The following ZNF469 variants were observed in gnomAD, a reference collection of about 807,000 sequenced individuals.
ZNF469 encodes the protein zinc finger protein 469.
ZNF469 carries 1 observed loss-of-function variant against 1.0 expected under a neutral mutation model. The ratio of observed to expected loss-of-function variants is 1.00; its 90% CI spans 0.35 to 4.73. ZNF469 has a LOEUF of 4.73. Ranked by LOEUF, ZNF469 falls within the 30% of genes most tolerant of loss-of-function variation. The pLI, the probability that ZNF469 is intolerant of heterozygous loss-of-function variation, is 0.16. For synonymous variants in ZNF469, 2,703 were observed against 2,363.4 expected (o/e 1.14, Z -4.17); for missense variants, 6,100 against 5,356.3 (o/e 1.14, Z -4.33).
At chr16:88,277,141 G>A in the ZNF469 span, among the ~76,000 whole-genome samples, 9 of 151,712 alleles carry the variant, frequency 5.9e-5, no homozygotes, top group African/African-American at 1.9e-4. Flanking sequence ...TCAGTACCGT[G>A]TAGATATCAG....
the ZNF469 span, among the ~76,000 whole-genome samples, chr16:88,234,001 T>A: frequency 6.6e-6 from 1 of 152,264 alleles, no homozygotes; most frequent in Non-Finnish European, 1.5e-5. Flanking sequence ...GTTTAAGTGC[T>A]TTTTTAAACG....
At chr16:88,353,136 G>C in the ZNF469 span, among the ~76,000 whole-genome samples, 2 of 152,272 alleles carry the variant, frequency 1.3e-5, no homozygotes, top group South Asian at 4.2e-4. Context: ...ATGGTCCAGA[G>C]AATGCTGGTC....
chr16:88,199,145 C>T, the ZNF469 span, among the ~76,000 whole-genome samples: 1 of 152,272 alleles, frequency 6.6e-6, no homozygotes, highest in East Asian at 1.9e-4. Flanking sequence ...TGCTGGTTTC[C>T]TACGAGGAGG....
At chr16:88,100,945 C>G in the ZNF469 span, 1 of 284,838 alleles carries the variant, frequency 3.5e-6, no homozygotes, top group Non-Finnish European at 6.8e-6. Flanking sequence ...CGCAGAGACG[C>G]AGCCCCAACG....
At chr16:88,274,513 C>T in the ZNF469 span, among the ~76,000 whole-genome samples, 1 of 152,230 alleles carries the variant, frequency 6.6e-6, no homozygotes, top group African/African-American at 2.4e-5. Context: ...AGAAGTTTCA[C>T]AACAGATCAG....
At chr16:88,128,450 A>G in the ZNF469 span, among the ~76,000 whole-genome samples, 4 of 152,228 alleles carry the variant, frequency 2.6e-5, no homozygotes, top group East Asian at 5.8e-4. Flanking sequence ...TCACCCTCCA[A>G]CCCTCAAATA....
At chr16:88,382,201 A>T (rs1157401398), upstream of ZNF469, among the ~76,000 whole-genome samples, 1 of 152,248 alleles carries the variant, frequency 6.6e-6, no homozygotes, top group Non-Finnish European at 1.5e-5. Context: ...TGTCTGGGAC[A>T]GCCGGGGACG....
At chr16:88,267,975 T>C in the ZNF469 span, among the ~76,000 whole-genome samples, 12,097 of 151,282 alleles carry the variant, frequency 0.08, 1,357 homozygotes, top group African/African-American at 0.28. Context: ...AACCGATTTC[T>C]CCACATTCTT....
chr16:88,217,302 A>T, the ZNF469 span, among the ~76,000 whole-genome samples: 1 of 152,170 alleles, frequency 6.6e-6, no homozygotes, highest in Non-Finnish European at 1.5e-5. Context: ...GTGGGGCTGC[A>T]GCCTGGCAAA....
the ZNF469 span, among the ~76,000 whole-genome samples, chr16:88,112,021 C>T: frequency 1.4e-4 from 21 of 152,090 alleles, no homozygotes; most frequent in East Asian, 1.9e-4. Context: ...GACAGGATCT[C>T]GTTCTTTTTT....
chr16:88,336,645 T>C, the ZNF469 span, among the ~76,000 whole-genome samples: 28 of 127,538 alleles, frequency 2.2e-4, no homozygotes, highest in East Asian at 7.4e-4. Context: ...CAACAGCACA[T>C]ATGTCCATCC....
the ZNF469 span, among the ~76,000 whole-genome samples, chr16:88,315,419 G>A: frequency 2.0e-5 from 3 of 152,232 alleles, no homozygotes; most frequent in East Asian, 1.9e-4. Flanking sequence ...GGCCACGCAC[G>A]CACACAACGC....
the ZNF469 span, among the ~76,000 whole-genome samples, chr16:88,267,622 CAGG>C: frequency 1.2e-4 from 18 of 152,168 alleles, no homozygotes; most frequent in South Asian, 2.9e-3. Flanking sequence ...GCTGGCCTGG[CAGG>C]AGGTCACCAC....
At position 88,427,922 on chromosome 16, in the gene ZNF469, A is replaced by G. The variant is rs1184153006; in HGVS notation, c.452A>G (p.Asp151Gly). The G allele has an allele frequency of 6.5e-7, 1 of 1,549,784 alleles. No individual in the cohort carries two copies. ...QLEAAQLPEV[D>G]TPQGPGTGAP... is the part of the protein sequence containing the mutation. ...GAGGCTGCCCAGCTCCCTGAGGTGG[A>G]CACCCCCCAGGGCCCTGGGACTGGA... The change falls in exon 3 of 3, where the codon GAC (aspartate) becomes GGC (glycine). Residue 151 changes from aspartate (D) to glycine (G), a missense_variant. Transcript: ENST00000565624.
the ZNF469 span, among the ~76,000 whole-genome samples, chr16:88,125,956 A>G: frequency 6.6e-6 from 1 of 151,952 alleles, no homozygotes; most frequent in Non-Finnish European, 1.5e-5. Flanking sequence ...TGGGAGGCCA[A>G]TGCGGGTGGA....
At chr16:88,228,258 G>T in the ZNF469 span, among the ~76,000 whole-genome samples, 1 of 152,244 alleles carries the variant, frequency 6.6e-6, no homozygotes, top group East Asian at 1.9e-4. Flanking sequence ...GCTGCCTGCC[G>T]GCTTCGCAGG....
the ZNF469 span, among the ~76,000 whole-genome samples, chr16:88,132,939 G>A: frequency 2.6e-5 from 4 of 152,348 alleles, no homozygotes; most frequent in Middle Eastern, 3.4e-3. Flanking sequence ...ACCACCACAG[G>A]TGAAGGGCTC....
At chr16:88,256,871 CTTTCT>C in the ZNF469 span, among the ~76,000 whole-genome samples, 4 of 139,928 alleles carry the variant, frequency 2.9e-5, no homozygotes, top group Middle Eastern at 4.0e-3. Flanking sequence ...TCCTTCCTTT[CTTTCT>C]TTTCTTTTCT....
chr16:88,176,814 G>C, the ZNF469 span, among the ~76,000 whole-genome samples: 1 of 152,234 alleles, frequency 6.6e-6, no homozygotes, highest in Non-Finnish European at 1.5e-5. Flanking sequence ...CAGTAAGTTT[G>C]GGTCAAAAGA....
Sources: gnomAD v4.1 joint callset for allele counts (sites outside exome capture counted in the v4.1 genomes callset) on GRCh38, gnomAD v4.1.1 for gene constraint, MANE v1.5 for transcripts, NCBI Gene and HGNC (gene_info 2026-07-23, HGNC 2026-07-21) for gene names.